SOX5: variants seen among roughly 807,000 people sequenced by gnomAD.
SOX5 encodes SRY-box transcription factor 5.
In SOX5, 9 loss-of-function variants were observed where a neutral mutation model predicts 92.0. The ratio of observed to expected loss-of-function variants is 0.10; its 90% CI spans 0.06 to 0.17. The LOEUF is 0.17. Ranked by LOEUF, SOX5 falls within the 10% of genes least tolerant of loss-of-function variation. The pLI is 1.00. For missense variants in SOX5, 642 were observed against 944.5 expected (o/e 0.68, Z 4.20); for synonymous variants, 344 against 336.3 (o/e 1.02, Z -0.25).
chr12:24,126,017 G>C (rs1215080160), intron 4 of SOX5, among the ~76,000 whole-genome samples: 1 of 152,110 alleles, frequency 6.6e-6, no homozygotes, highest in African/African-American at 2.4e-5. Flanking sequence ...TCTCCTCTGA[G>C]ATGTCAGGAC....
chr12:23,937,513 G>A (rs1942832132), intron 1 of SOX5, among the ~76,000 whole-genome samples: 1 of 150,790 alleles, frequency 6.6e-6, no homozygotes, highest in Non-Finnish European at 1.5e-5. Context: ...AGTGCTTCTG[G>A]ACCATTAACT....
chr12:23,746,294 C>T (rs1336700345), intron 4 of SOX5, among the ~76,000 whole-genome samples: 1 of 152,048 alleles, frequency 6.6e-6, no homozygotes, highest in African/African-American at 2.4e-5. Flanking sequence ...TTGGAGTACT[C>T]CAGAGGCCTC....
At chr12:23,706,265 G>C (rs1242726429) in intron 6 of SOX5, among the ~76,000 whole-genome samples, 1 of 152,006 alleles carries the variant, frequency 6.6e-6, no homozygotes, top group African/African-American at 2.4e-5. Flanking sequence ...TCTAATAACT[G>C]GTCCTGGTAT....
chr12:23,924,483 A>G (rs1191449012), intron 1 of SOX5, among the ~76,000 whole-genome samples: 1 of 152,160 alleles, frequency 6.6e-6, no homozygotes, highest in Non-Finnish European at 1.5e-5. Context: ...CAAAAATGCT[A>G]ATATAATGTT....
In SOX5 at chr12:24,482,668, T is replaced by C. The variant is rs577636247; in HGVS notation, c.-251+79661A>G. 2.0e-5 allele frequency among the ~76,000 whole-genome samples: 3 copies of C among 152,346 alleles called. No individual in the cohort carries two copies. In the South Asian group the frequency reaches 6.2e-4, roughly 32 times the overall value. On this transcript the variant is annotated intron_variant, in intron 1 of 4. Transcript: ENST00000446891. ...TTTCAAAGTTGTTCATTCTATAAAA[T>C]GTATATTTCAGGATAAGTCTTCATT...
At chr12:23,979,309 T>C (rs1949253614) in intron 4 of SOX5, among the ~76,000 whole-genome samples, 1 of 152,136 alleles carries the variant, frequency 6.6e-6, no homozygotes, top group African/African-American at 2.4e-5. Flanking sequence ...CTGCAACCTC[T>C]GCTTCCCAGG....
At chr12:23,885,798 C>G (rs2097057750) in intron 2 of SOX5, among the ~76,000 whole-genome samples, 1 of 151,326 alleles carries the variant, frequency 6.6e-6, no homozygotes, top group African/African-American at 2.4e-5. Flanking sequence ...CCATTTCAAA[C>G]ACCAAAGAAT....
At chr12:24,357,693 C>G (rs966452450) in intron 2 of SOX5, among the ~76,000 whole-genome samples, 3 of 151,894 alleles carry the variant, frequency 2.0e-5, no homozygotes, top group Admixed American at 2.0e-4. Context: ...AACACAAAAT[C>G]TTAGCTGGGC....
intron 2 of SOX5, among the ~76,000 whole-genome samples, chr12:24,287,417 C>T (rs1946013542): frequency 6.6e-6 from 1 of 152,040 alleles, no homozygotes; most frequent in Admixed American, 6.6e-5. Flanking sequence ...GAACAAAGTA[C>T]TTGTGCTTTT....
At chr12:24,520,241 A>T (rs1204746184) in intron 1 of SOX5, among the ~76,000 whole-genome samples, 1 of 152,130 alleles carries the variant, frequency 6.6e-6, no homozygotes, top group Non-Finnish European at 1.5e-5. Flanking sequence ...CATAAATCTA[A>T]CAGTTAAAGG....
rs11047106 is a variant in SOX5 at position 23,806,350 on chromosome 12, C to A, written c.481+39633G>T. Among the ~76,000 whole-genome samples, 182 of 152,246 alleles carry A rather than the reference C, an allele frequency of 1.2e-3. 6 individuals carry two copies. In the East Asian group the frequency reaches 0.033, roughly 27 times the overall value. ...GGCAAGGTCAAGAAGCACGCATCAA[C>A]ACCTTCTCCTCCCCAATCTGGAGCA... On this transcript the variant is annotated intron_variant, in intron 3 of 14. Coordinates refer to ENST00000451604, the MANE Select transcript of SOX5 (RefSeq NM_006940.6).
chr12:23,685,171 AAAG>A (rs896183637), intron 6 of SOX5, among the ~76,000 whole-genome samples: 1 of 152,006 alleles, frequency 6.6e-6, no homozygotes, highest in Non-Finnish European at 1.5e-5. Context: ...GGCAACCCTA[AAAG>A]AAGGCCTTCT....
chr12:23,970,841 A>ATATATATATATATTT, intron 4 of SOX5, among the ~76,000 whole-genome samples: 1 of 21,880 alleles, frequency 4.6e-5, no homozygotes, highest in African/African-American at 1.2e-4. Flanking sequence ...TATATATATA[A>ATATATATATATATTT]TTTTTTTTTT....
chr12:23,549,556 A>G (rs1469597418), intron 11 of SOX5, among the ~76,000 whole-genome samples: 1 of 151,900 alleles, frequency 6.6e-6, no homozygotes, highest in Non-Finnish European at 1.5e-5. Context: ...TTCTTTTTAC[A>G]TTTTTATACA....
intron 4 of SOX5, among the ~76,000 whole-genome samples, chr12:23,963,328 C>A (rs1278565522): frequency 2.0e-5 from 3 of 152,184 alleles, no homozygotes; most frequent in African/African-American, 7.2e-5. Context: ...AAGGAGACAT[C>A]ACTTATGTTC....
At chr12:24,089,170 T>G (rs976501773) in intron 4 of SOX5, among the ~76,000 whole-genome samples, 4 of 152,244 alleles carry the variant, frequency 2.6e-5, no homozygotes, top group African/African-American at 9.6e-5. Context: ...AAGAGAAATA[T>G]AATTTCTAGC....
intron 4 of SOX5, among the ~76,000 whole-genome samples, chr12:24,042,472 T>C (rs942070658): frequency 6.6e-6 from 1 of 152,146 alleles, no homozygotes. Context: ...AAATATTTCT[T>C]CCTGACCAAG....
chr12:23,758,132 T>C (rs2094456889), intron 3 of SOX5, among the ~76,000 whole-genome samples: 1 of 151,112 alleles, frequency 6.6e-6, no homozygotes, highest in African/African-American at 2.4e-5. Context: ...AAGACACTCA[T>C]ACTTACAACT....
chr12:24,403,353 T>C (rs1176655527), intron 1 of SOX5, among the ~76,000 whole-genome samples: 1 of 152,188 alleles, frequency 6.6e-6, no homozygotes, highest in Non-Finnish European at 1.5e-5. Flanking sequence ...CAAATCTCCT[T>C]AAGGACGGAA....
Sources: gnomAD v4.1 joint callset for allele counts (sites outside exome capture counted in the v4.1 genomes callset) on GRCh38, gnomAD v4.1.1 for gene constraint, MANE v1.5 for transcripts, NCBI Gene and HGNC (gene_info 2026-07-23, HGNC 2026-07-21) for gene names.